Variants in WWOX observed in about 807,000 individuals in gnomAD.
WWOX encodes WW domain-containing oxidoreductase.
Under a neutral mutation model 46.2 loss-of-function variants are expected in WWOX, and 69 were observed. The ratio of observed to expected loss-of-function variants is 1.49; its 90% confidence interval spans 1.23 to 1.82. WWOX has a LOEUF of 1.82. Among genes scored for constraint, WWOX ranks in the 40% most tolerant of loss-of-function variants. The pLI, the probability that WWOX is intolerant of heterozygous loss-of-function variation, is 0.00. For synonymous variants in WWOX, 359 were observed against 202.6 expected, an observed-to-expected ratio of 1.77 and a Z score of -6.56; for missense variants, 919 against 542.6, an observed-to-expected ratio of 1.69 and a Z score of -6.89.
At chr16:78,305,698 C>T (rs2080123019) in intron 5 of WWOX, among the ~76,000 whole-genome samples, 1 of 151,932 alleles carries the variant, frequency 6.6e-6, no homozygotes, top group Admixed American at 6.6e-5. Context: ...AGAAAGTCAC[C>T]CACCCACCAC....
intron 8 of WWOX, among the ~76,000 whole-genome samples, chr16:78,949,628 A>G (rs1217679729): frequency 2.0e-5 from 3 of 152,194 alleles, no homozygotes; most frequent in Non-Finnish European, 4.4e-5. Flanking sequence ...TGTTCTTTTA[A>G]TCCACCTCTC....
intron 8 of WWOX, among the ~76,000 whole-genome samples, chr16:79,020,266 A>G (rs1029790073): frequency 6.6e-6 from 1 of 152,244 alleles, no homozygotes; most frequent in Non-Finnish European, 1.5e-5. Flanking sequence ...TGGAGAGGAC[A>G]GTGCCTGGGG....
chr16:78,737,045 TTA>T (rs1314896005), intron 8 of WWOX, among the ~76,000 whole-genome samples: 1 of 151,984 alleles, frequency 6.6e-6, no homozygotes, highest in Non-Finnish European at 1.5e-5. Context: ...ATTTAGTGGG[TTA>T]TATGTCTATT....
chr16:79,185,595 C>T (rs988457118), intron 8 of WWOX, among the ~76,000 whole-genome samples: 23 of 152,170 alleles, frequency 1.5e-4, no homozygotes, highest in East Asian at 1.9e-4. Context: ...AAGACAGGCG[C>T]GTCTGTCTTT....
At chr16:78,486,572 T>G (rs1944679760) in intron 8 of WWOX, among the ~76,000 whole-genome samples, 1 of 150,660 alleles carries the variant, frequency 6.6e-6, no homozygotes, top group South Asian at 2.1e-4. Flanking sequence ...TTTGTTTTGT[T>G]TTGTTTTGTT....
At chr16:78,502,224 T>C (rs7205635) in intron 8 of WWOX, among the ~76,000 whole-genome samples, 9,623 of 152,230 alleles carry the variant, frequency 0.063, 1,021 homozygotes, top group African/African-American at 0.22. Flanking sequence ...TTCATCTGCT[T>C]AAGGTGTACA....
At chr16:78,863,909 G>C (rs997081265) in intron 8 of WWOX, among the ~76,000 whole-genome samples, 3 of 152,216 alleles carry the variant, frequency 2.0e-5, no homozygotes, top group South Asian at 2.1e-4. Context: ...TTGAGGTTCA[G>C]CCACAGTTGT....
intron 8 of WWOX, among the ~76,000 whole-genome samples, chr16:78,654,874 T>C (rs1466242945): frequency 6.6e-6 from 1 of 152,154 alleles, no homozygotes; most frequent in Non-Finnish European, 1.5e-5. Flanking sequence ...GTCAAATTTT[T>C]TCTTGGTGGG....
chr16:78,681,576 C>G (rs2047730671), intron 8 of WWOX, among the ~76,000 whole-genome samples: 1 of 150,962 alleles, frequency 6.6e-6, no homozygotes, highest in Admixed American at 6.6e-5. Context: ...AGGGAAGAAG[C>G]AAAGGGGCAA....
At chr16:78,633,010 C>A (rs1183300406) in intron 8 of WWOX, among the ~76,000 whole-genome samples, 1 of 152,070 alleles carries the variant, frequency 6.6e-6, no homozygotes, top group African/African-American at 2.4e-5. Context: ...TGCCTGTAAT[C>A]CTAGCACTTT....
At chr16:78,313,701 C>A (rs1251033534) in intron 5 of WWOX, among the ~76,000 whole-genome samples, 2 of 152,166 alleles carry the variant, frequency 1.3e-5, no homozygotes, top group African/African-American at 4.8e-5. Flanking sequence ...TGCTTGCTTT[C>A]TTCTCTGTCG....
intron 4 of WWOX, chr16:78,124,355 A>G (rs1478269160): frequency 6.6e-6 from 1 of 152,180 alleles, no homozygotes; most frequent in African/African-American, 2.4e-5. Context: ...GGGAATTATT[A>G]TAGACTTCAT....
At chr16:78,653,089 C>G (rs2047002066) in intron 8 of WWOX, among the ~76,000 whole-genome samples, 1 of 151,794 alleles carries the variant, frequency 6.6e-6, no homozygotes, top group Non-Finnish European at 1.5e-5. Context: ...ATGTTCTTTT[C>G]TTTCTTCTGA....
At chr16:78,462,358 A>T (rs778563995) in intron 8 of WWOX, among the ~76,000 whole-genome samples, 8 of 152,134 alleles carry the variant, frequency 5.3e-5, no homozygotes, top group Admixed American at 1.3e-4. Flanking sequence ...ACTACAAGGC[A>T]AGAGAACAGT....
intron 8 of WWOX, among the ~76,000 whole-genome samples, chr16:79,182,708 A>G (rs570914868): frequency 6.6e-6 from 1 of 152,240 alleles, no homozygotes; most frequent in African/African-American, 2.4e-5. Context: ...CCTTTATTTT[A>G]CTATAAATAT....
At chr16:78,863,674 G>A (rs935895711) in intron 8 of WWOX, among the ~76,000 whole-genome samples, 16 of 152,102 alleles carry the variant, frequency 1.1e-4, no homozygotes, top group South Asian at 2.1e-4. Context: ...ATAGTGCCTC[G>A]CACACAGCAA....
intron 5 of WWOX, among the ~76,000 whole-genome samples, chr16:78,335,158 A>G (rs986217481): frequency 1.3e-5 from 2 of 152,142 alleles, no homozygotes; most frequent in South Asian, 2.1e-4. Flanking sequence ...TCCAGGGTAC[A>G]TGTGTAAGAT....
chr16:78,099,944 C>T (rs1209130822), intron 1 of WWOX, 59 bp downstream of exon 1: 3 of 1,533,742 alleles, frequency 2.0e-6, no homozygotes, highest in Non-Finnish European at 1.8e-6. Context: ...CCCACGGACG[C>T]CACCTGCGCG....
chr16:78,372,297 T>A (rs954996234), intron 5 of WWOX, among the ~76,000 whole-genome samples: 2 of 152,208 alleles, frequency 1.3e-5, no homozygotes, highest in African/African-American at 4.8e-5. Flanking sequence ...AGGGTGTCCT[T>A]CATGCTTAGA....
Sources: allele counts gnomAD v4.1 joint callset (sites outside exome capture counted in the v4.1 genomes callset), GRCh38; gene constraint gnomAD v4.1.1; transcripts MANE v1.5; gene names NCBI Gene and HGNC (gene_info 2026-07-23, HGNC 2026-07-21).